The following VEZT variants were observed in gnomAD, a reference collection of about 807,000 sequenced individuals.
The protein encoded by VEZT is vezatin.
VEZT carries 39 observed loss-of-function variants against 79.9 expected under a neutral mutation model. The ratio of observed to expected loss-of-function variants is 0.49; its 90% CI spans 0.38 to 0.64. The LOEUF (loss-of-function observed/expected upper bound fraction) is 0.64, where lower values mean the gene tolerates loss of function less well. VEZT is among the 30% of genes least tolerant of loss of function. The pLI is 0.00. For synonymous variants in VEZT, 325 were observed against 327.6 expected (o/e 0.99, Z 0.09); for missense variants, 837 against 893.1 (o/e 0.94, Z 0.80).
At chr12:95,248,880 A>G (rs1231980448) in intron 1 of VEZT, among the ~76,000 whole-genome samples, 1 of 152,126 alleles carries the variant, frequency 6.6e-6, no homozygotes, top group Non-Finnish European at 1.5e-5. Flanking sequence ...CAAAAAGAAC[A>G]GGAATCAGCA....
intron 5 of VEZT, among the ~76,000 whole-genome samples, chr12:95,267,865 TAAA>T (rs933918539): frequency 5.3e-4 from 80 of 151,946 alleles, no homozygotes; most frequent in African/African-American, 1.8e-3. Context: ...CTACAAATAA[TAAA>T]AAATTAGCCA....
intron 1 of VEZT, 62 bp downstream of exon 1, chr12:95,217,948 G>A: frequency 1.4e-6 from 2 of 1,431,856 alleles, no homozygotes; most frequent in Admixed American, 2.9e-5. Context: ...GACGGAAATC[G>A]AGGAAGCAAG....
chr12:95,224,111 A>T (rs2058046407), intron 1 of VEZT: 1 of 453,164 alleles, frequency 2.2e-6, no homozygotes, highest in Non-Finnish European at 4.5e-6. Flanking sequence ...TGTCCCTCAG[A>T]CCCATAATTC....
chr12:95,267,076 A>G (rs1157567644), intron 5 of VEZT, among the ~76,000 whole-genome samples: 1 of 152,216 alleles, frequency 6.6e-6, no homozygotes, highest in Non-Finnish European at 1.5e-5. Context: ...AAATATTAGC[A>G]GATATTATAG....
At chr12:95,249,278 G>A (rs1174787063) in intron 1 of VEZT, among the ~76,000 whole-genome samples, 1 of 152,134 alleles carries the variant, frequency 6.6e-6, no homozygotes, top group Non-Finnish European at 1.5e-5. Context: ...TGAAGAAAGG[G>A]TTCTACTGCC....
chr12:95,259,735 T>G (rs2064061234), intron 3 of VEZT, among the ~76,000 whole-genome samples: 1 of 152,238 alleles, frequency 6.6e-6, no homozygotes. Context: ...TTCATTTGTT[T>G]GAGACCTGGA....
At chr12:95,261,931 G>A (rs1031254835) in intron 3 of VEZT, among the ~76,000 whole-genome samples, 1 of 152,168 alleles carries the variant, frequency 6.6e-6, no homozygotes, top group African/African-American at 2.4e-5. Context: ...TGCCCTAACA[G>A]TGCTACCTCA....
chr12:95,257,065 T>G, intron 2 of VEZT, 85 bp from the exon 3 acceptor site: 1 of 1,052,276 alleles, frequency 9.5e-7, no homozygotes, highest in African/African-American at 1.6e-5. Flanking sequence ...TAAATTCTCA[T>G]TGATTGGAGG....
chr12:95,282,594 T>C lies in VEZT; in HGVS notation c.1278T>C (p.Val426=). The C allele has an allele frequency of 6.2e-7, 1 of 1,613,786 alleles. No homozygotes were observed. The highest frequency in any genetic ancestry group is 8.5e-7 in the Non-Finnish European group (1 of 1,179,756). ...TQQKSRELNN[V]HTAVRSLQLH... ...AGAAGTCAAGAGAACTGAATAATGT[T>C]CACACAGCAGTGCGTAGCTTGCAGC... is the stretch of plus-strand genomic sequence containing the variant. The change falls in exon 8 of 12, where the codon GTT becomes GTC. Residue 426 remains valine (V), a synonymous_variant. Transcript: ENST00000436874.
At chr12:95,244,187 G>A (rs1479234946) in intron 1 of VEZT, among the ~76,000 whole-genome samples, 2 of 151,916 alleles carry the variant, frequency 1.3e-5, no homozygotes, top group South Asian at 4.2e-4. Flanking sequence ...GAGCCCAGGG[G>A]TTGGAGACCA....
chr12:95,252,041 A>G lies in VEZT; in HGVS notation c.138A>G (p.Gln46=), dbSNP rs2062690010. ...CAGAAAAATGCACAACAGAGGGACA[A>G]CAAAAGCCTCCTACAAGAGTCCTAC... The part of the protein sequence containing the change: ...PKTEKCTTEG[Q]QKPPTRVLPK... The change falls in exon 2 of 12, where the codon CAA becomes CAG. Residue 46 remains glutamine (Q), a synonymous_variant. Transcript: ENST00000436874. 6.2e-7 allele frequency: 1 copy of G among 1,611,632 alleles called. No individual in the cohort carries two copies. The highest frequency in any genetic ancestry group is 8.5e-7 in the Non-Finnish European group (1 of 1,179,072).
intron 1 of VEZT, chr12:95,245,667 A>G (rs1358667197): frequency 9.6e-6 from 4 of 417,488 alleles, no homozygotes; most frequent in Admixed American, 2.9e-5. Flanking sequence ...AAAGCAGTTT[A>G]AAAGAGTGAA....
At position 95,241,514 on chromosome 12, in the gene VEZT, C is replaced by T. The variant is rs577646998; in HGVS notation, c.37-10426C>T. 3.1e-4 allele frequency among the ~76,000 whole-genome samples: 47 copies of T among 152,014 alleles called. No homozygotes were observed. In the East Asian group the frequency reaches 4.6e-3, roughly 15 times the overall value. ...GAGACAAGGTCTTGCTTTATATTAC[C>T]TAGGATAGTCTCAAACGCCTGGCCT... On this transcript the variant is annotated intron_variant, in intron 1 of 11. Transcript: ENST00000436874.
intron 9 of VEZT, among the ~76,000 whole-genome samples, chr12:95,289,873 C>G (rs964435980): frequency 2.0e-5 from 3 of 152,076 alleles, no homozygotes; most frequent in Non-Finnish European, 2.9e-5. Flanking sequence ...TCACAATTGC[C>G]TTATCTATGT....
At chr12:95,293,513 T>A (rs1303528763) in intron 9 of VEZT, among the ~76,000 whole-genome samples, 1 of 152,220 alleles carries the variant, frequency 6.6e-6, no homozygotes, top group Non-Finnish European at 1.5e-5. Context: ...AAAGTTAAAC[T>A]CACTTGGGTG....
At chr12:95,236,131 C>T (rs2060137600) in intron 1 of VEZT, among the ~76,000 whole-genome samples, 1 of 152,140 alleles carries the variant, frequency 6.6e-6, no homozygotes, top group Middle Eastern at 3.2e-3. Flanking sequence ...AGCCTGGGCA[C>T]CATTGAGCAC....
intron 1 of VEZT, among the ~76,000 whole-genome samples, chr12:95,236,916 C>T (rs2060278449): frequency 6.6e-6 from 1 of 152,086 alleles, no homozygotes; most frequent in South Asian, 2.1e-4. Context: ...TGAACTATAG[C>T]TCATCTGAAG....
chr12:95,284,167 A>G (rs570807933), intron 8 of VEZT, among the ~76,000 whole-genome samples: 1 of 152,232 alleles, frequency 6.6e-6, no homozygotes, highest in African/African-American at 2.4e-5. Flanking sequence ...GTAATATTCT[A>G]TACATGCTAA....
intron 3 of VEZT, among the ~76,000 whole-genome samples, chr12:95,257,715 C>G (rs113968081): frequency 3.3e-5 from 5 of 152,096 alleles, no homozygotes; most frequent in Non-Finnish European, 5.9e-5. Flanking sequence ...AATACAAAAT[C>G]CAGGGAGTAT....
Sources: allele counts gnomAD v4.1 joint callset (sites outside exome capture counted in the v4.1 genomes callset), GRCh38; gene constraint gnomAD v4.1.1; transcripts MANE v1.5; gene names NCBI Gene and HGNC (gene_info 2026-07-23, HGNC 2026-07-21).